The following NALCN variants were observed in gnomAD, a reference collection of about 807,000 sequenced individuals.
NALCN encodes sodium leak channel NALCN.
In NALCN, 111 loss-of-function variants were observed where a neutral mutation model predicts 225.3. The ratio of observed to expected loss-of-function variants is 0.49; its 90% CI spans 0.42 to 0.58. The LOEUF is 0.58. Among genes scored for constraint, NALCN ranks in the 20% least tolerant of loss-of-function variants. The probability of loss-of-function intolerance (pLI) is 0.00; values close to 1 mark genes in which losing one functional copy is unlikely to be tolerated. For synonymous variants in NALCN, 764 were observed against 769.0 expected (o/e 0.99, Z 0.11); for missense variants, 1,378 against 2,202.4 (o/e 0.63, Z 7.49).
At chr13:101,098,084 T>C (rs2034611959) in intron 27 of NALCN, among the ~76,000 whole-genome samples, 1 of 152,132 alleles carries the variant, frequency 6.6e-6, no homozygotes, top group Non-Finnish European at 1.5e-5. Context: ...GCCTCTACAC[T>C]GTGACCCTTC....
chr13:101,392,178 A>AT (rs1395523835), intron 3 of NALCN, among the ~76,000 whole-genome samples: 2 of 152,158 alleles, frequency 1.3e-5, no homozygotes, highest in Non-Finnish European at 2.9e-5. Context: ...TGCTCAGACT[A>AT]TTTTATAGTG....
intron 15 of NALCN, among the ~76,000 whole-genome samples, chr13:101,167,699 TTGGTGGTGC>T (rs2038508668): frequency 1.1e-5 from 1 of 92,304 alleles, no homozygotes. Flanking sequence ...TTAGTTGGAT[TTGGTGGTGC>T]ATGCCTGTAA....
At chr13:101,372,807 A>G (rs2046577727) in intron 6 of NALCN, among the ~76,000 whole-genome samples, 1 of 152,088 alleles carries the variant, frequency 6.6e-6, no homozygotes, top group Admixed American at 6.6e-5. Flanking sequence ...AACAAAAACT[A>G]AAAAGCAGAA....
At chr13:101,323,994 C>T (rs9585668) in intron 7 of NALCN, among the ~76,000 whole-genome samples, 3 of 152,100 alleles carry the variant, frequency 2.0e-5, no homozygotes, top group Admixed American at 2.0e-4. Context: ...ACACCCATCA[C>T]CCAGAAAACC....
intron 17 of NALCN, among the ~76,000 whole-genome samples, chr13:101,125,504 T>A (rs1355889778): frequency 1.3e-5 from 2 of 152,180 alleles, no homozygotes; most frequent in Non-Finnish European, 2.9e-5. Flanking sequence ...CTTAGCATGA[T>A]ATTAGTGACC....
At chr13:101,140,442 A>G (rs2037018341) in intron 17 of NALCN, among the ~76,000 whole-genome samples, 1 of 152,320 alleles carries the variant, frequency 6.6e-6, no homozygotes, top group Admixed American at 6.5e-5. Flanking sequence ...CCAGTGGGGT[A>G]GTGTTACCAG....
chr13:101,323,988 C>G (rs945885908), intron 7 of NALCN, among the ~76,000 whole-genome samples: 5 of 152,052 alleles, frequency 3.3e-5, no homozygotes, highest in Non-Finnish European at 5.9e-5. Context: ...GAATAAACAC[C>G]CATCACCCAG....
Position 101,104,758 on chromosome 13 carries a change from A to G in NALCN, c.2637-108T>C. 6.4e-7 allele frequency: 1 copy of G among 1,559,370 alleles called. No individual in the cohort carries two copies. The highest frequency in any genetic ancestry group is 1.2e-5 in the South Asian group (1 of 86,406). On this transcript the variant is annotated intron_variant, in intron 23 of 43. Coordinates refer to ENST00000251127, the MANE Select transcript of NALCN (RefSeq NM_052867.4). This position sits in a 1 kb window ranked among gnomAD's most constrained non-coding sequence, Gnocchi z 4.2. Reference sequence around the variant, plus strand: ...CTATCAACATGACTGGTATTTTAAAAACATCATTCCCCAATCATCTATTTC... The same window carrying G: ...CTATCAACATGACTGGTATTTTAAAGACATCATTCCCCAATCATCTATTTC...
chr13:101,258,716 C>T, intron 10 of NALCN, 142 bp from the exon 11 acceptor site: 4 of 1,161,122 alleles, frequency 3.4e-6, no homozygotes, highest in South Asian at 1.5e-5. Flanking sequence ...ATCCATGTCC[C>T]ACACTGCTGA....
chr13:101,072,900 G>C (rs1358873209), intron 37 of NALCN, among the ~76,000 whole-genome samples: 4 of 152,212 alleles, frequency 2.6e-5, no homozygotes, highest in East Asian at 1.9e-4. Context: ...GAATTGGACA[G>C]TGCAGATTTC....
At chr13:101,114,681 G>A (rs1204931274) in intron 18 of NALCN, among the ~76,000 whole-genome samples, 1 of 152,150 alleles carries the variant, frequency 6.6e-6, no homozygotes, top group East Asian at 1.9e-4. Context: ...ACATGACTAA[G>A]GGATGCCCAG....
rs1483271146 is a variant in NALCN, at chr13:101,378,668, T to TAAATAA, written c.292-16_292-15insTTATTT. 6.3e-7 allele frequency: 1 copy of TAAATAA among 1,594,886 alleles called. No homozygotes were observed. Among genetic ancestry groups the TAAATAA allele is most frequent in the Non-Finnish European group, 8.6e-7 (1 of 1,167,178 alleles). Reference sequence around the variant, plus strand: ...GAACTATCCCCCTAAAAATAAATTTTACATGGCATTATTAGGCAAAGCAAA... The same window carrying TAAATAA: ...GAACTATCCCCCTAAAAATAAATTTTAAATAAACATGGCATTATTAGGCAAAGCAAA... On this transcript the variant is annotated splice_polypyrimidine_tract_variant and intron_variant, in intron 3 of 43. Coordinates refer to ENST00000251127, the MANE Select transcript of NALCN (RefSeq NM_052867.4).
At chr13:101,336,527 A>G (rs562308779) in intron 7 of NALCN, among the ~76,000 whole-genome samples, 1 of 152,324 alleles carries the variant, frequency 6.6e-6, no homozygotes, top group Admixed American at 6.5e-5. Flanking sequence ...GCAATTCATG[A>G]AGATTACAAG....
intron 27 of NALCN, among the ~76,000 whole-genome samples, chr13:101,097,788 G>A (rs1479118107): frequency 6.6e-6 from 1 of 152,066 alleles, no homozygotes; most frequent in Non-Finnish European, 1.5e-5. Flanking sequence ...GGCATTTCAG[G>A]CACTTGAGGA....
chr13:101,308,368 C>A (rs984638278), intron 7 of NALCN, among the ~76,000 whole-genome samples: 4 of 152,210 alleles, frequency 2.6e-5, no homozygotes, highest in African/African-American at 7.2e-5. Context: ...CTTCCCTGGA[C>A]TCATTTTTCC....
intron 27 of NALCN, among the ~76,000 whole-genome samples, chr13:101,100,082 G>A (rs1315584290): frequency 6.6e-6 from 1 of 152,118 alleles, no homozygotes; most frequent in Non-Finnish European, 1.5e-5. Flanking sequence ...GGTCTTTGTG[G>A]AGGTCCTTGT....
chr13:101,192,171 G>T (rs982609333), intron 13 of NALCN, 117 bp from the exon 14 acceptor site: 9 of 1,132,452 alleles, frequency 7.9e-6, no homozygotes, highest in Non-Finnish European at 7.3e-6. Flanking sequence ...ATCTGATCAG[G>T]GCAAGAACAG....
rs139071267 is a variant in NALCN, at chr13:101,376,164, C to T, written c.644+536G>A. 1.2e-3 allele frequency among the ~76,000 whole-genome samples: 177 copies of T among 151,906 alleles called. 1 individual carries two copies. Among genetic ancestry groups the T allele is most frequent in the African/African-American group, 4.1e-3 (168 of 41,436 alleles). Reference sequence around the variant, plus strand: ...AATAATAAAAATGAGCTTTTTTTCCCGAACATGTAACTCATTCTAATATGA... The same window carrying T: ...AATAATAAAAATGAGCTTTTTTTCCTGAACATGTAACTCATTCTAATATGA... On this transcript the variant is annotated intron_variant, in intron 6 of 43. Coordinates refer to ENST00000251127, the MANE Select transcript of NALCN (RefSeq NM_052867.4).
chr13:101,345,486 TG>T (rs2045690442), intron 6 of NALCN, 66 bp from the exon 7 acceptor site: 1 of 1,554,276 alleles, frequency 6.4e-7, no homozygotes, highest in African/African-American at 1.4e-5. Context: ...CAATGAATAA[TG>T]TAATTACCCT....
Sources: allele counts gnomAD v4.1 joint callset (sites outside exome capture counted in the v4.1 genomes callset), GRCh38; gene constraint gnomAD v4.1.1; non-coding constraint Gnocchi (gnomAD v3.1); transcripts MANE v1.5; gene names NCBI Gene and HGNC (gene_info 2026-07-23, HGNC 2026-07-21).